DSCAM: variants seen among roughly 807,000 people sequenced by gnomAD.
DSCAM encodes DS cell adhesion molecule.
A neutral mutation model predicts 217.7 loss-of-function variants in DSCAM; 47 were observed. The ratio of observed to expected loss-of-function variants is 0.22; its 90% CI spans 0.17 to 0.28. DSCAM has a LOEUF of 0.28. DSCAM is among the 10% of genes least tolerant of loss of function. The probability of loss-of-function intolerance (pLI) is 1.00; values close to 1 mark genes in which losing one functional copy is unlikely to be tolerated. For missense variants in DSCAM, 2,080 were observed against 2,618.3 expected, an observed-to-expected ratio of 0.79 and a Z score of 4.49; for synonymous variants, 1,056 against 1,015.3, an observed-to-expected ratio of 1.04 and a Z score of -0.76.
At chr21:40,440,169 C>A (rs892929431) in intron 3 of DSCAM, among the ~76,000 whole-genome samples, 2 of 152,346 alleles carry the variant, frequency 1.3e-5, no homozygotes, top group South Asian at 2.1e-4. Context: ...ATGATGCTAG[C>A]CCTTTGAACA....
At position 40,044,290 on chromosome 21, in the gene DSCAM, G is replaced by T; in HGVS notation, c.5186-15C>A. On this transcript the variant is annotated splice_polypyrimidine_tract_variant and intron_variant, in intron 30 of 32. Coordinates refer to ENST00000400454, the MANE Select transcript of DSCAM (RefSeq NM_001389.5). ...GGTGGTGGGATCTGTGAAGAGCCAAGAATCATGTCTGCCTTTGTCTGCAGG... is the reference window on the plus strand; with the variant it reads ...GGTGGTGGGATCTGTGAAGAGCCAATAATCATGTCTGCCTTTGTCTGCAGG... 1.2e-6 allele frequency: 2 copies of T among 1,609,792 alleles called. No homozygotes were observed. Among genetic ancestry groups the T allele is most frequent in the Non-Finnish European group, 1.7e-6 (2 of 1,177,288 alleles).
chr21:40,229,719 C>A lies in DSCAM; in HGVS notation c.2357-40481G>T, dbSNP rs947339785. On this transcript the variant is annotated intron_variant, in intron 11 of 32. Transcript: ENST00000400454. ...AATATTCTACTGTCGAGAGATGTAC[C>A]AAACAAAAGTTTGTATTTATTCATC... 2.6e-5 allele frequency among the ~76,000 whole-genome samples: 4 copies of A among 152,260 alleles called. No homozygotes were observed. In the South Asian group the frequency reaches 8.3e-4, roughly 32 times the overall value.
chr21:40,255,392 C>T (rs1225738155), intron 11 of DSCAM, among the ~76,000 whole-genome samples: 1 of 152,184 alleles, frequency 6.6e-6, no homozygotes, highest in African/African-American at 2.4e-5. Flanking sequence ...AAGGCGAGGA[C>T]ATTTACAGTC....
At chr21:40,753,307 A>C (rs1318603421) in intron 1 of DSCAM, among the ~76,000 whole-genome samples, 1 of 152,270 alleles carries the variant, frequency 6.6e-6, no homozygotes, top group African/African-American at 2.4e-5. Flanking sequence ...ATGTGGTGAC[A>C]CAAAATGGAA....
chr21:40,581,904 C>G (rs1789505028), intron 3 of DSCAM, among the ~76,000 whole-genome samples: 2 of 152,272 alleles, frequency 1.3e-5, no homozygotes, highest in South Asian at 4.1e-4. Context: ...AACATATTTT[C>G]AATTCCAAAG....
chr21:40,671,692 C>CAAAAAAAAA (rs71330402), intron 3 of DSCAM, among the ~76,000 whole-genome samples: 1 of 108,948 alleles, frequency 9.2e-6, no homozygotes, highest in African/African-American at 3.6e-5. Flanking sequence ...ATTCCTTAAA[C>CAAAAAAAAA]AAAAAAAAAA....
Position 40,700,289 on chromosome 21 carries a change from A to G in DSCAM, c.362-7333T>C, listed in dbSNP as rs142063233. Among the ~76,000 whole-genome samples the G allele has an allele frequency of 1.1e-4, 16 of 152,292 alleles. No individual in the cohort carries two copies. In the East Asian group the frequency reaches 3.1e-3, roughly 29 times the overall value. On this transcript the variant is annotated intron_variant, in intron 2 of 32. Coordinates refer to ENST00000400454, the MANE Select transcript of DSCAM (RefSeq NM_001389.5). ...TATTGTTCTTCATTTGGGGGTGAAAACATTTCATCTTTGACAAGTATGATG... is the reference window on the plus strand; with the variant it reads ...TATTGTTCTTCATTTGGGGGTGAAAGCATTTCATCTTTGACAAGTATGATG...
chr21:40,295,921 A>G, intron 10 of DSCAM, 134 bp downstream of exon 10: 1 of 1,116,780 alleles, frequency 9.0e-7, no homozygotes, highest in Non-Finnish European at 1.2e-6. Flanking sequence ...CTATGAGAGA[A>G]TGATAGGCTT....
rs374400055 is a variant in DSCAM, at chr21:40,558,572, C to T, written c.508+134238G>A. Reference sequence around the variant, plus strand: ...TTAAATAAACAGAGCAGTCTGCAAACGGATAATCAAATGATCTGGGATCCC... The same window carrying T: ...TTAAATAAACAGAGCAGTCTGCAAATGGATAATCAAATGATCTGGGATCCC... On this transcript the variant is annotated intron_variant, in intron 3 of 32. Transcript: ENST00000400454. Among the ~76,000 whole-genome samples, 77 of 152,092 alleles carry T rather than the reference C, an allele frequency of 5.1e-4. 1 individual carries two copies. The East Asian group carries it at 0.012, about 24-fold the overall frequency.
chr21:40,339,161 A>C lies in DSCAM; in HGVS notation c.1465T>G (p.Ser489Ala). 2 of 1,614,070 alleles carry C rather than the reference A, an allele frequency of 1.2e-6. No individual in the cohort carries two copies. Among genetic ancestry groups the C allele is most frequent in the Non-Finnish European group, 1.7e-6 (2 of 1,179,998 alleles). Residue 489 changes from serine to alanine, a missense_variant, in exon 7 of 33, where the codon TCG (serine) becomes GCG (alanine). By Grantham distance (99) the Ser-to-Ala change is moderately conservative (BLOSUM62 1). Around this residue, in one of 5 missense-constraint regions of DSCAM, gnomAD observed 568 missense variants for 678.1 expected, o/e 0.84. Transcript: ENST00000400454. ...GCCTGGTACAGGACGACTCCCGCCGAGTTGTTGGCAGTGCAGCGGTAGACT... is the reference window on the plus strand; with the variant it reads ...GCCTGGTACAGGACGACTCCCGCCGCGTTGTTGGCAGTGCAGCGGTAGACT... The part of the protein sequence containing the change: ...GGVYRCTANN[S>A]AGVVLYQARI...
At chr21:40,822,741 T>C (rs2091939335) in intron 1 of DSCAM, among the ~76,000 whole-genome samples, 3 of 152,224 alleles carry the variant, frequency 2.0e-5, no homozygotes, top group South Asian at 4.1e-4. Flanking sequence ...TTGAGATGGG[T>C]ATATACAATA....
chr21:40,292,830 C>T (rs970146853), intron 10 of DSCAM, among the ~76,000 whole-genome samples: 1 of 151,986 alleles, frequency 6.6e-6, no homozygotes. Flanking sequence ...GTAAGCTCCG[C>T]CTCCCGGGTT....
intron 2 of DSCAM, among the ~76,000 whole-genome samples, chr21:40,700,655 C>T (rs2090645941): frequency 1.3e-5 from 2 of 151,334 alleles, no homozygotes; most frequent in Admixed American, 1.3e-4. Context: ...GTAATGCTAA[C>T]TTCATAAAAT....
chr21:40,283,055 AC>A (rs1384581846), intron 10 of DSCAM, among the ~76,000 whole-genome samples: 2 of 152,232 alleles, frequency 1.3e-5, no homozygotes, highest in African/African-American at 2.4e-5. Context: ...AATAGTGAAC[AC>A]ACTGCCAACT....
intron 16 of DSCAM, among the ~76,000 whole-genome samples, chr21:40,155,483 C>T (rs369951021): frequency 3.4e-4 from 52 of 152,224 alleles, no homozygotes; most frequent in Middle Eastern, 3.4e-3. Context: ...GGCCCTGTAA[C>T]GGCAGTGTGG....
chr21:40,709,874 C>T (rs1314134994), intron 1 of DSCAM, among the ~76,000 whole-genome samples: 1 of 152,186 alleles, frequency 6.6e-6, no homozygotes, highest in African/African-American at 2.4e-5. Context: ...ATTGCTGGGT[C>T]AACTGGTATT....
intron 3 of DSCAM, among the ~76,000 whole-genome samples, chr21:40,390,034 C>A (rs1041661335): frequency 8.5e-5 from 13 of 152,186 alleles, no homozygotes; most frequent in African/African-American, 2.9e-4. Flanking sequence ...CCCCACCACC[C>A]CACCCTGTCC....
intron 11 of DSCAM, among the ~76,000 whole-genome samples, chr21:40,198,200 G>C (rs903991667): frequency 9.2e-5 from 14 of 152,166 alleles, no homozygotes; most frequent in Admixed American, 2.0e-4. Context: ...AAATATGGAG[G>C]CTTTTGTTCA....
At chr21:40,260,382 G>A (rs1056981231) in intron 11 of DSCAM, among the ~76,000 whole-genome samples, 1 of 152,204 alleles carries the variant, frequency 6.6e-6, no homozygotes, top group African/African-American at 2.4e-5. Context: ...CTGCCTTCCT[G>A]CCTCAGCCAC....
Sources: allele counts gnomAD v4.1 joint callset (sites outside exome capture counted in the v4.1 genomes callset), GRCh38; gene constraint gnomAD v4.1.1; regional missense constraint gnomAD v4.1.1; transcripts MANE v1.5; gene names NCBI Gene and HGNC (gene_info 2026-07-23, HGNC 2026-07-21).